TSHZ3: variants seen among roughly 807,000 people sequenced by gnomAD.
The protein encoded by TSHZ3 is teashirt homolog 3.
A neutral mutation model predicts 64.5 loss-of-function variants in TSHZ3; 10 were observed. The observed-to-expected ratio is 0.16, with a 90% CI of 0.10 to 0.26. The LOEUF is 0.26. Among genes scored for constraint, TSHZ3 ranks in the 10% least tolerant of loss-of-function variants. TSHZ3 has a pLI of 1.00. For synonymous variants in TSHZ3, 608 were observed against 593.1 expected (o/e 1.03, Z -0.36); for missense variants, 1,242 against 1,421.7 (o/e 0.87, Z 2.03).
At chr19:31,215,407 T>C (rs1487919095) in intron 4 of TSHZ3, among the ~76,000 whole-genome samples, 1 of 152,164 alleles carries the variant, frequency 6.6e-6, no homozygotes, top group Non-Finnish European at 1.5e-5. Flanking sequence ...AGAACATCAA[T>C]GGTATAAGTG....
chr19:31,204,147 T>A (rs1234592857), intron 5 of TSHZ3, among the ~76,000 whole-genome samples: 1 of 151,974 alleles, frequency 6.6e-6, no homozygotes, highest in Non-Finnish European at 1.5e-5. Context: ...CCTCCTTCCC[T>A]CCACATGTGG....
chr19:31,236,842 T>C (rs1260267819), intron 3 of TSHZ3, among the ~76,000 whole-genome samples: 1 of 152,110 alleles, frequency 6.6e-6, no homozygotes, highest in African/African-American at 2.4e-5. Flanking sequence ...AAAAAGCTTT[T>C]GTACAGCAAA....
At chr19:31,281,103 A>C (rs1044849624) in intron 1 of TSHZ3, among the ~76,000 whole-genome samples, 1 of 152,208 alleles carries the variant, frequency 6.6e-6, no homozygotes, top group African/African-American at 2.4e-5. Flanking sequence ...GGAACGTTGC[A>C]GTGCTAATTG....
chr19:31,349,630 G>A (rs1599666600), upstream of TSHZ3: 1 of 154,946 alleles, frequency 6.5e-6, no homozygotes, highest in African/African-American at 2.5e-5. Context: ...GTCCCCAGAC[G>A]AGGTGCGCGG....
chr19:31,348,454 C>T (rs1267061547), intron 1 of TSHZ3, among the ~76,000 whole-genome samples: 1 of 144,704 alleles, frequency 6.9e-6, no homozygotes, highest in Non-Finnish European at 1.5e-5. Context: ...TTGACACTCC[C>T]GGTTAAAGAA....
chr19:31,209,453 T>G (rs1209278018), intron 4 of TSHZ3, among the ~76,000 whole-genome samples: 1 of 152,074 alleles, frequency 6.6e-6, no homozygotes, highest in Admixed American at 6.5e-5. Context: ...CACTGAGTGG[T>G]TATAGGACTT....
At chr19:31,317,339 C>T (rs1916630787) in intron 1 of TSHZ3, among the ~76,000 whole-genome samples, 1 of 152,234 alleles carries the variant, frequency 6.6e-6, no homozygotes. Context: ...GTGTGACCCA[C>T]TGCAGCCACA....
At chr19:31,213,354 C>A (rs1030452906) in intron 4 of TSHZ3, among the ~76,000 whole-genome samples, 397 of 10,924 alleles carry the variant, frequency 0.036, 11 homozygotes, top group African/African-American at 0.13. Flanking sequence ...GAGACTCTGT[C>A]TCAAAAAAAA....
At chr19:31,180,171 G>C (rs1186901226) in intron 5 of TSHZ3, among the ~76,000 whole-genome samples, 3 of 152,118 alleles carry the variant, frequency 2.0e-5, no homozygotes, top group Non-Finnish European at 4.4e-5. Flanking sequence ...CTAGGGCTTG[G>C]CAGTGTCTAG....
At chr19:31,325,209 G>A (rs890752989) in intron 1 of TSHZ3, among the ~76,000 whole-genome samples, 9 of 152,184 alleles carry the variant, frequency 5.9e-5, no homozygotes, top group South Asian at 4.1e-4. Context: ...TCCGCAGTCC[G>A]GCCACAGAGC....
intron 1 of TSHZ3, among the ~76,000 whole-genome samples, chr19:31,343,048 A>G (rs1917482940): frequency 6.6e-6 from 1 of 152,142 alleles, no homozygotes; most frequent in Admixed American, 6.5e-5. Flanking sequence ...CCTACACTCT[A>G]CCCTTTACAA....
At chr19:31,210,719 G>A (rs185668692) in intron 4 of TSHZ3, among the ~76,000 whole-genome samples, 5 of 152,224 alleles carry the variant, frequency 3.3e-5, no homozygotes, top group Admixed American at 6.5e-5. Flanking sequence ...TTTCTTCTAC[G>A]AGAAACCTCA....
rs760551800 is a variant in TSHZ3, at chr19:31,276,682, C to T, written c.3111G>A (p.Leu1037=). 6.2e-6 allele frequency: 10 copies of T among 1,613,864 alleles called. No homozygotes were observed. The South Asian group carries it at 1.1e-4, about 18-fold the overall frequency. Residue 1037 remains leucine (L), a synonymous_variant, in exon 2 of 2, where the codon CTG becomes CTA. Coordinates refer to ENST00000240587, the MANE Select transcript of TSHZ3 (RefSeq NM_020856.4). ...KMVTSSPEED[L]GTSYQCKLCN... is the part of the protein sequence containing the mutation. Reference sequence around the variant, plus strand: ...AAAGTTTGCACTGATAGGAAGTCCCCAGGTCTTCCTCGGGGGAGGACGTCA... The same window carrying T: ...AAAGTTTGCACTGATAGGAAGTCCCTAGGTCTTCCTCGGGGGAGGACGTCA...
At chr19:31,160,476 C>T (rs1041633491) in intron 5 of TSHZ3, among the ~76,000 whole-genome samples, 1 of 152,222 alleles carries the variant, frequency 6.6e-6, no homozygotes, top group Admixed American at 6.5e-5. Context: ...GATACTCTGT[C>T]TTGAGGCAGC....
At chr19:31,348,226 T>C (rs2021571292) in intron 1 of TSHZ3, among the ~76,000 whole-genome samples, 1 of 152,148 alleles carries the variant, frequency 6.6e-6, no homozygotes, top group African/African-American at 2.4e-5. Context: ...GATTTATTGA[T>C]GTTTATTGGG....
At chr19:31,242,467 A>G (rs1776651123) in exon 3 of TSHZ3, among the ~76,000 whole-genome samples, 1 of 152,160 alleles carries the variant, frequency 6.6e-6, no homozygotes, top group Non-Finnish European at 1.5e-5. Context: ...AAGGCCTGAG[A>G]ATCTGGAGTT....
intron 4 of TSHZ3, among the ~76,000 whole-genome samples, chr19:31,210,274 A>C (rs1399439848): frequency 6.6e-6 from 1 of 152,108 alleles, no homozygotes; most frequent in African/African-American, 2.4e-5. Context: ...TCTTATAGTA[A>C]TGTCACCAAT....
intron 1 of TSHZ3, among the ~76,000 whole-genome samples, chr19:31,315,130 C>A (rs1307347834): frequency 6.6e-6 from 1 of 152,214 alleles, no homozygotes; most frequent in Non-Finnish European, 1.5e-5. Flanking sequence ...CCCGAGCGGC[C>A]AGCAGAAATG....
chr19:31,265,890 A>C lies in TSHZ3; in HGVS notation n.64-23015T>G, dbSNP rs11666208. Reference sequence around the variant, plus strand: ...GGAGGGGCAGGTTCCTGGTGACATCACTGAGCACCCATGTCCAGTTGGGCC... The same window carrying C: ...GGAGGGGCAGGTTCCTGGTGACATCCCTGAGCACCCATGTCCAGTTGGGCC... On this transcript the variant is annotated intron_variant and non_coding_transcript_variant, in intron 1 of 6. Transcript: ENST00000651361. Among the ~76,000 whole-genome samples the C allele has an allele frequency of 5.0e-3, 756 of 152,330 alleles. 4 individuals are homozygous for C. The highest frequency in any genetic ancestry group is 8.5e-3 in the Non-Finnish European group (581 of 68,032).
Sources: allele counts gnomAD v4.1 joint callset (sites outside exome capture counted in the v4.1 genomes callset), GRCh38; gene constraint gnomAD v4.1.1; transcripts MANE v1.5; gene names NCBI Gene and HGNC (gene_info 2026-07-23, HGNC 2026-07-21).